RAB13: variants seen among roughly 807,000 people sequenced by gnomAD.
The protein encoded by RAB13 is RAB13, member RAS oncogene family.
A neutral mutation model predicts 29.3 loss-of-function variants in RAB13; 15 were observed. That is an observed-to-expected ratio of 0.51 (90% CI 0.34 to 0.79). The LOEUF (loss-of-function observed/expected upper bound fraction) is 0.79. Ranked by LOEUF, RAB13 falls within the 30% of genes least tolerant of loss-of-function variation. The pLI is 0.01. For synonymous variants in RAB13, 82 were observed against 93.8 expected, an observed-to-expected ratio of 0.87 and a Z score of 0.73; for missense variants, 186 against 255.5, an observed-to-expected ratio of 0.73 and a Z score of 1.85.
chr1:153,984,371 A>C (rs1017984998), intron 2 of RAB13, among the ~76,000 whole-genome samples: 1 of 152,166 alleles, frequency 6.6e-6, no homozygotes. Flanking sequence ...TGGGCTCACC[A>C]TATTTTGGAG....
intron 4 of RAB13, 40 bp downstream of exon 4, chr1:153,983,179 G>C: frequency 6.4e-7 from 1 of 1,550,702 alleles, no homozygotes; most frequent in East Asian, 2.2e-5. Context: ...CATTCTCCAG[G>C]TTCTAACCAG....
chr1:153,987,462 G>A (rs1370782244), upstream of RAB13, among the ~76,000 whole-genome samples: 5 of 148,148 alleles, frequency 3.4e-5, no homozygotes, highest in Non-Finnish European at 7.4e-5. Context: ...CTTGCAGTGA[G>A]CCGAGATTGC....
chr1:153,985,885 A>AT, intron 1 of RAB13: 1 of 568,264 alleles, frequency 1.8e-6, no homozygotes, highest in South Asian at 3.3e-5. Context: ...TACCAAGAAA[A>AT]TGAGGAGCTG....
upstream of RAB13, among the ~76,000 whole-genome samples, chr1:153,990,300 A>C (rs1388183253): frequency 1.3e-5 from 2 of 152,316 alleles, no homozygotes; most frequent in African/African-American, 4.8e-5. Flanking sequence ...TGCTGACCTC[A>C]GGTGATCCAC....
At chr1:153,982,224 G>A (rs777882041) in intron 7 of RAB13, 48 bp from the exon 8 acceptor site, 13 of 1,571,236 alleles carry the variant, frequency 8.3e-6, no homozygotes, top group South Asian at 4.4e-5. Context: ...GATGGTTAGG[G>A]TAGGAGGGTA....
chr1:153,990,159 AG>A (rs374374761), upstream of RAB13, among the ~76,000 whole-genome samples: 127 of 152,122 alleles, frequency 8.3e-4, 1 homozygote, highest in African/African-American at 2.8e-3. Flanking sequence ...TCCGCCTCCC[AG>A]GTTCATGCGA....
chr1:153,982,329 AC>A (rs1649006863), intron 7 of RAB13, 61 bp downstream of exon 7: 2 of 1,508,514 alleles, frequency 1.3e-6, no homozygotes, highest in African/African-American at 1.6e-5. Flanking sequence ...ACACACACAC[AC>A]ACACATACAT....
At position 153,986,099 on chromosome 1, in the gene RAB13, G is replaced by A; in HGVS notation, c.124+14C>T. 6.2e-7 allele frequency: 1 copy of A among 1,612,930 alleles called. No homozygotes were observed. Among genetic ancestry groups the A allele is most frequent in the Non-Finnish European group, 8.5e-7 (1 of 1,179,870 alleles). On this transcript the variant is annotated intron_variant, in intron 1 of 7. Transcript: ENST00000368575. ...CAGGAGAGTCGGGGTCTGGGACATG[G>A]CCAGCGGGCTCACCGATGGTGGAGA...
Position 153,982,541 on chromosome 1 carries a change from C to G in RAB13, c.474G>C (p.Val158=). ...FETSAKSSMN[V]DEAFSSLARD... ...ATGGGGGTGTGGATCTCACCTCATCCACATTCATACTGGATTTAGCACTAG... is the reference window on the plus strand; with the variant it reads ...ATGGGGGTGTGGATCTCACCTCATCGACATTCATACTGGATTTAGCACTAG... Residue 158 remains valine (V), a synonymous_variant, in exon 6 of 8, where the codon GTG becomes GTC. Coordinates refer to ENST00000368575, the MANE Select transcript of RAB13 (RefSeq NM_002870.5). 6.2e-7 allele frequency: 1 copy of G among 1,612,908 alleles called. No individual in the cohort carries two copies. The highest frequency in any genetic ancestry group is 8.5e-7 in the Non-Finnish European group (1 of 1,179,160).
intron 1 of RAB13, chr1:153,985,882 A>C (rs1649148188): frequency 1.8e-6 from 1 of 566,836 alleles, no homozygotes; most frequent in Admixed American, 3.7e-5. Flanking sequence ...TGGTACCAAG[A>C]AAATGAGGAG....
chr1:153,982,362 T>C (rs769225876), intron 7 of RAB13, 29 bp downstream of exon 7: 1 of 1,579,894 alleles, frequency 6.3e-7, no homozygotes, highest in Admixed American at 1.7e-5. Flanking sequence ...CACCCCAGAG[T>C]TGTACCTAGT....
chr1:153,985,015 G>C, intron 1 of RAB13: 6 of 1,242,740 alleles, frequency 4.8e-6, no homozygotes, highest in Non-Finnish European at 6.0e-6. Flanking sequence ...AAAAGGTGAC[G>C]AAAATTCTGC....
intron 1 of RAB13, chr1:153,985,034 T>A (rs1173696625): frequency 8.3e-7 from 1 of 1,210,488 alleles, no homozygotes; most frequent in African/African-American, 1.6e-5. Context: ...GCATGGAGGC[T>A]TAAAATCCTT....
intron 1 of RAB13, chr1:153,985,306 G>A (rs1374461829): frequency 1.0e-6 from 1 of 984,900 alleles, no homozygotes; most frequent in East Asian, 1.1e-4. Flanking sequence ...TAGGAAAGAG[G>A]GGCATTTTTC....
chr1:153,983,328 G>T lies in RAB13; in HGVS notation c.247-32C>A, dbSNP rs1333533786. 6.3e-6 allele frequency: 10 copies of T among 1,598,020 alleles called. No individual in the cohort carries two copies. In the South Asian group the frequency reaches 9.9e-5, roughly 16 times the overall value. ...GATGACAAAATTCACCTTGGACCAT[G>T]TTCCCATTGAGGCTTCCCACTGCCC... On this transcript the variant is annotated intron_variant, in intron 3 of 7. Transcript: ENST00000368575.
chr1:153,987,774 CAAAAAAAA>C (rs60689643), upstream of RAB13, among the ~76,000 whole-genome samples: 22 of 54,320 alleles, frequency 4.1e-4, 1 homozygote, highest in African/African-American at 1.2e-3. Context: ...ACTGCTTCGA[CAAAAAAAA>C]AAAAAAAAAA....
chr1:153,990,464 T>G (rs1283410347), upstream of RAB13, among the ~76,000 whole-genome samples: 1 of 152,222 alleles, frequency 6.6e-6, no homozygotes, highest in Non-Finnish European at 1.5e-5. Context: ...CCTGGTGTTT[T>G]CCTCAACCTT....
At chr1:153,982,336 TACATAC>T in intron 7 of RAB13, 49 bp downstream of exon 7, 2 of 1,316,776 alleles carry the variant, frequency 1.5e-6, no homozygotes, top group Non-Finnish European at 2.1e-6. Flanking sequence ...CACACACACA[TACATAC>T]ACACACACAC....
chr1:153,987,707 A>G (rs1207981830), upstream of RAB13, among the ~76,000 whole-genome samples: 4 of 148,816 alleles, frequency 2.7e-5, no homozygotes, highest in East Asian at 7.9e-4. Flanking sequence ...TGGGAGGCCA[A>G]CGTGAGAGGA....
Sources: allele counts gnomAD v4.1 joint callset (sites outside exome capture counted in the v4.1 genomes callset), GRCh38; gene constraint gnomAD v4.1.1; transcripts MANE v1.5; gene names NCBI Gene and HGNC (gene_info 2026-07-23, HGNC 2026-07-21).